Variants in CLXN observed in about 807,000 individuals in gnomAD.
CLXN encodes calaxin, also known as EF-hand calcium binding domain 1.
At chr8:48,713,964 T>C in the CLXN span, 2 of 152,220 alleles carry the variant, frequency 1.3e-5, no homozygotes. Context: ...TAGCCTGGCT[T>C]TCTGGTACTC....
At chr8:48,717,176 A>C in the CLXN span, among the ~76,000 whole-genome samples, 1 of 152,194 alleles carries the variant, frequency 6.6e-6, no homozygotes, top group African/African-American at 2.4e-5. Flanking sequence ...AAAAAATAAA[A>C]GAAACACAAA....
chr8:48,719,061 A>C, the CLXN span, among the ~76,000 whole-genome samples: 2 of 152,080 alleles, frequency 1.3e-5, no homozygotes, highest in Non-Finnish European at 2.9e-5. Context: ...CTAAGAAAAA[A>C]AAAAGACTCA....
At chr8:48,726,981 CCTCATCCATCCA>C in the CLXN span, among the ~76,000 whole-genome samples, 85 of 149,374 alleles carry the variant, frequency 5.7e-4, no homozygotes, top group Non-Finnish European at 1.1e-3. Flanking sequence ...TATCCACCCA[CCTCATCCATCCA>C]CTCATCCATC....
At chr8:48,731,249 A>C in the CLXN span, 1 of 1,289,336 alleles carries the variant, frequency 7.8e-7, no homozygotes, top group Non-Finnish European at 1.0e-6. Flanking sequence ...TGGGAATGCA[A>C]AACACTAAGC....
the CLXN span, among the ~76,000 whole-genome samples, chr8:48,726,995 TCATCCATC>T: frequency 2.8e-3 from 350 of 124,410 alleles, 3 homozygotes; most frequent in East Asian, 0.012. Context: ...ATCCATCCAC[TCATCCATC>T]CATCCATCCA....
chr8:48,720,202 C>T, the CLXN span, among the ~76,000 whole-genome samples: 1 of 152,084 alleles, frequency 6.6e-6, no homozygotes, highest in South Asian at 2.1e-4. Flanking sequence ...TCTCAGTGTA[C>T]CTTGAAAAAG....
At chr8:48,721,874 GAC>G in the CLXN span, among the ~76,000 whole-genome samples, 1 of 152,146 alleles carries the variant, frequency 6.6e-6, no homozygotes, top group South Asian at 2.1e-4. Context: ...AAAGCTTCAT[GAC>G]ATTAGTCTAG....
chr8:48,723,847 G>C, the CLXN span: 1 of 152,732 alleles, frequency 6.5e-6, no homozygotes, highest in Non-Finnish European at 1.5e-5. Flanking sequence ...GCAATACGTG[G>C]AGTCAGGATG....
the CLXN span, among the ~76,000 whole-genome samples, chr8:48,719,526 C>A: frequency 6.6e-6 from 1 of 152,124 alleles, no homozygotes; most frequent in Admixed American, 6.5e-5. Context: ...CAATAGAATA[C>A]TAGTGAACTG....
the CLXN span, among the ~76,000 whole-genome samples, chr8:48,728,367 T>C: frequency 1.3e-5 from 2 of 152,222 alleles, no homozygotes; most frequent in Non-Finnish European, 2.9e-5. Flanking sequence ...CTGGCTATTT[T>C]GTCCTTTGAA....
the CLXN span, chr8:48,734,991 T>G: frequency 7.4e-7 from 1 of 1,348,062 alleles, no homozygotes. Flanking sequence ...GCCCACAGAG[T>G]CCCAGCAGGC....
the CLXN span, among the ~76,000 whole-genome samples, chr8:48,721,383 CA>C: frequency 0.11 from 16,973 of 152,058 alleles, 2,947 homozygotes; most frequent in African/African-American, 0.37. Context: ...TCATACTACC[CA>C]AAGTGATGTA....
At chr8:48,714,399 T>C in the CLXN span, among the ~76,000 whole-genome samples, 1 of 152,202 alleles carries the variant, frequency 6.6e-6, no homozygotes, top group Non-Finnish European at 1.5e-5. Flanking sequence ...TCTAGATATA[T>C]TGAAAGGCTC....
the CLXN span, among the ~76,000 whole-genome samples, chr8:48,726,643 C>A: frequency 2.2e-5 from 3 of 137,236 alleles, no homozygotes; most frequent in Non-Finnish European, 4.7e-5. Context: ...CCACCCACCT[C>A]ACCCATCCAC....
chr8:48,731,376 T>G, the CLXN span: 6 of 1,612,786 alleles, frequency 3.7e-6, no homozygotes, highest in Non-Finnish European at 5.1e-6. Flanking sequence ...CATCTGTCAT[T>G]CCAAATGTCA....
the CLXN span, among the ~76,000 whole-genome samples, chr8:48,719,465 A>C: frequency 3.3e-5 from 5 of 152,170 alleles, no homozygotes; most frequent in Non-Finnish European, 7.3e-5. Flanking sequence ...TCAGCACAAG[A>C]AAAGAAAACT....
At chr8:48,724,949 G>T in the CLXN span, 1 of 588,500 alleles carries the variant, frequency 1.7e-6, no homozygotes, top group Admixed American at 3.3e-5. Context: ...TTCACTCACA[G>T]ATCTCATGAC....
chr8:48,711,536 C>G, the CLXN span: 1 of 152,272 alleles, frequency 6.6e-6, no homozygotes, highest in Admixed American at 6.5e-5. Context: ...GCATTACATC[C>G]AAGCAGGAAA....
the CLXN span, among the ~76,000 whole-genome samples, chr8:48,726,328 C>T: frequency 1.3e-5 from 2 of 149,430 alleles, no homozygotes; most frequent in Non-Finnish European, 3.0e-5. Flanking sequence ...CACAGCCATT[C>T]ACCTCATCCA....
Sources: gnomAD v4.1 joint callset for allele counts (sites outside exome capture counted in the v4.1 genomes callset) on GRCh38, gnomAD v4.1.1 for gene constraint, MANE v1.5 for transcripts, NCBI Gene and HGNC (gene_info 2026-07-23, HGNC 2026-07-21) for gene names.